SYT14: variants seen among roughly 807,000 people sequenced by gnomAD.
SYT14 encodes the protein synaptotagmin-14.
SYT14 carries 32 observed loss-of-function variants against 74.2 expected under a neutral mutation model. The observed-to-expected ratio is 0.43, with a 90% CI of 0.33 to 0.58. The LOEUF (loss-of-function observed/expected upper bound fraction) is 0.58, where lower values mean the gene tolerates loss of function less well. SYT14 is among the 20% of genes least tolerant of loss of function. The pLI is 0.05. For synonymous variants in SYT14, 298 were observed against 337.7 expected (o/e 0.88, Z 1.29); for missense variants, 791 against 981.8 (o/e 0.81, Z 2.60).
chr1:210,098,987 A>C (rs1426700411), intron 6 of SYT14, among the ~76,000 whole-genome samples: 1 of 152,132 alleles, frequency 6.6e-6, no homozygotes, highest in Non-Finnish European at 1.5e-5. Context: ...GCTAACACTC[A>C]GGAAGGTTTT....
intron 1 of SYT14, among the ~76,000 whole-genome samples, chr1:209,945,657 G>C (rs2078810939): frequency 6.6e-6 from 1 of 152,158 alleles, no homozygotes; most frequent in African/African-American, 2.4e-5. Context: ...TTCAGTGTTT[G>C]ACCAAGAAGA....
intron 5 of SYT14, among the ~76,000 whole-genome samples, chr1:210,065,424 A>T (rs868868846): frequency 3.9e-5 from 6 of 152,012 alleles, no homozygotes; most frequent in South Asian, 2.1e-4. Flanking sequence ...GTGAAGAAGG[A>T]TGTGTTTGCT....
chr1:210,043,476 A>G (rs984005824), intron 5 of SYT14, among the ~76,000 whole-genome samples: 5 of 152,150 alleles, frequency 3.3e-5, no homozygotes, highest in Non-Finnish European at 7.4e-5. Context: ...AAATAAGTGC[A>G]AGTTGGGTTA....
At chr1:210,035,392 T>C (rs1025557231) in intron 5 of SYT14, among the ~76,000 whole-genome samples, 1 of 152,034 alleles carries the variant, frequency 6.6e-6, no homozygotes, top group Non-Finnish European at 1.5e-5. Context: ...TGATTGTTTT[T>C]TTGCTGTGCA....
intron 5 of SYT14, among the ~76,000 whole-genome samples, chr1:210,090,933 A>AAAT (rs1301344714): frequency 6.6e-6 from 1 of 152,188 alleles, no homozygotes; most frequent in African/African-American, 2.4e-5. Context: ...ACACTTTAAA[A>AAAT]AATAAAATGC....
At chr1:210,108,645 A>G (rs1441131537) in intron 7 of SYT14, among the ~76,000 whole-genome samples, 4 of 152,112 alleles carry the variant, frequency 2.6e-5, no homozygotes, top group Non-Finnish European at 4.4e-5. Flanking sequence ...AAAAAGGACA[A>G]ATAACTGAAG....
chr1:209,949,134 G>T (rs908663670), intron 1 of SYT14, among the ~76,000 whole-genome samples: 1 of 152,112 alleles, frequency 6.6e-6, no homozygotes, highest in Non-Finnish European at 1.5e-5. Flanking sequence ...CATAAAATTT[G>T]TACAAAGTTC....
At chr1:209,968,370 TTCCATAC>T (rs2102740799) in intron 2 of SYT14, among the ~76,000 whole-genome samples, 1 of 152,168 alleles carries the variant, frequency 6.6e-6, no homozygotes, top group African/African-American at 2.4e-5. Flanking sequence ...TATGGAGTAG[TTCCATAC>T]TCCATATGGA....
chr1:209,981,939 A>G (rs536378890), intron 2 of SYT14, among the ~76,000 whole-genome samples: 44 of 151,684 alleles, frequency 2.9e-4, no homozygotes, highest in African/African-American at 6.0e-4. Context: ...TCTGGTGACT[A>G]TGTGCCTTGG....
chr1:210,090,872 A>C (rs145749454), intron 5 of SYT14, among the ~76,000 whole-genome samples: 1 of 152,190 alleles, frequency 6.6e-6, no homozygotes, highest in Non-Finnish European at 1.5e-5. Context: ...AGGGATCTTC[A>C]TAACTATATT....
intron 7 of SYT14, among the ~76,000 whole-genome samples, chr1:210,139,697 T>C (rs979654738): frequency 6.6e-6 from 1 of 152,208 alleles, no homozygotes; most frequent in Admixed American, 6.5e-5. Context: ...TGGTTTTGCC[T>C]CTTCTGCACA....
exon 10 of SYT14, chr1:210,166,216 G>T (rs1374197868): frequency 1.3e-5 from 2 of 152,148 alleles, no homozygotes; most frequent in Non-Finnish European, 2.9e-5. Flanking sequence ...TTCTTTCCAA[G>T]AACAAAATGT....
intron 5 of SYT14, among the ~76,000 whole-genome samples, chr1:210,067,474 G>A (rs558173359): frequency 8.6e-5 from 13 of 151,948 alleles, no homozygotes; most frequent in South Asian, 6.2e-4. Context: ...TTCTTTCAAC[G>A]ATGTTTTTCA....
intron 2 of SYT14, among the ~76,000 whole-genome samples, chr1:209,971,401 G>T (rs1200737512): frequency 1.3e-5 from 2 of 151,818 alleles, no homozygotes; most frequent in Non-Finnish European, 2.9e-5. Flanking sequence ...ATTGCTCTAG[G>T]TAGGACTTCC....
intron 2 of SYT14, among the ~76,000 whole-genome samples, chr1:209,960,589 A>AT: frequency 6.6e-6 from 1 of 152,204 alleles, no homozygotes; most frequent in South Asian, 2.1e-4. Flanking sequence ...TGAATCAAAG[A>AT]TTGTCTTGAA....
At chr1:210,094,786 C>T (rs1273195480) in intron 6 of SYT14, among the ~76,000 whole-genome samples, 193 bp downstream of exon 5, 1 of 152,112 alleles carries the variant, frequency 6.6e-6, no homozygotes, top group Admixed American at 6.6e-5. Context: ...CAGCTGCCCC[C>T]ACTCCCCAAC....
At chr1:210,090,039 G>A (rs1018257305) in intron 5 of SYT14, among the ~76,000 whole-genome samples, 10 of 152,322 alleles carry the variant, frequency 6.6e-5, no homozygotes, top group African/African-American at 2.4e-4. Flanking sequence ...AGAGGCTGAA[G>A]TGAAGTTACA....
At chr1:209,999,294 C>T (rs772533613) in intron 2 of SYT14, among the ~76,000 whole-genome samples, 2 of 152,010 alleles carry the variant, frequency 1.3e-5, no homozygotes, top group Admixed American at 6.6e-5. Context: ...AATTCTTATA[C>T]ATGGTTGGAG....
intron 2 of SYT14, among the ~76,000 whole-genome samples, chr1:209,979,174 C>T (rs553491499): frequency 1.3e-5 from 2 of 152,202 alleles, no homozygotes; most frequent in Admixed American, 6.5e-5. Flanking sequence ...ATGCCTCGCC[C>T]TGCTTTGGCT....
Sources: allele counts gnomAD v4.1 joint callset (sites outside exome capture counted in the v4.1 genomes callset), GRCh38; gene constraint gnomAD v4.1.1; transcripts MANE v1.5; gene names NCBI Gene and HGNC (gene_info 2026-07-23, HGNC 2026-07-21).